CFAP47: variants seen among roughly 807,000 people sequenced by gnomAD.
CFAP47 encodes the protein cilia and flagella associated protein 47.
A neutral mutation model predicts 148.1 loss-of-function variants in CFAP47; 29 were observed. The observed-to-expected ratio is 0.20, with a 90% CI of 0.15 to 0.27. The LOEUF (loss-of-function observed/expected upper bound fraction) is 0.27. Among genes scored for constraint, CFAP47 ranks in the 10% least tolerant of loss-of-function variants. The pLI is 1.00. For synonymous variants in CFAP47, 664 were observed against 577.3 expected, an observed-to-expected ratio of 1.15 and a Z score of -2.15; for missense variants, 1,872 against 1,697.5, an observed-to-expected ratio of 1.10 and a Z score of -1.81.
intron 2 of CFAP47, among the ~76,000 whole-genome samples, chrX:35,940,138 G>T (rs745657906): frequency 9.0e-6 from 1 of 110,621 alleles, no homozygotes; most frequent in East Asian, 2.9e-4. Flanking sequence ...TTTTTGATGG[G>T]GTTGTTTGTT....
At chrX:36,025,956 G>A (rs1379886599) in intron 22 of CFAP47, among the ~76,000 whole-genome samples, 3 of 111,458 alleles carry the variant, frequency 2.7e-5, no homozygotes, top group Non-Finnish European at 5.7e-5. Context: ...TGTTCATGAC[G>A]TCTAACATTG....
At chrX:36,031,665 T>C (rs1937280659) in intron 23 of CFAP47, among the ~76,000 whole-genome samples, 1 of 109,752 alleles carries the variant, frequency 9.1e-6, no homozygotes, top group Non-Finnish European at 1.9e-5. Context: ...AAATGGAAGC[T>C]ATGATTTAAA....
chrX:36,074,553 C>T (rs1181211501), intron 29 of CFAP47, among the ~76,000 whole-genome samples: 3 of 111,459 alleles, frequency 2.7e-5, no homozygotes, highest in East Asian at 5.6e-4. Flanking sequence ...AACTTTTCTT[C>T]ATAAACATAT....
chrX:36,169,824 A>G (rs1000467882), intron 39 of CFAP47, among the ~76,000 whole-genome samples: 13 of 111,351 alleles, frequency 1.2e-4, no homozygotes, highest in African/African-American at 4.3e-4. Context: ...TCTCACACAT[A>G]ATTGCTGTGG....
At chrX:36,024,038 C>G (rs1937189325) in intron 22 of CFAP47, among the ~76,000 whole-genome samples, 1 of 112,095 alleles carries the variant, frequency 8.9e-6, no homozygotes, top group South Asian at 3.7e-4. Flanking sequence ...CACCACAGCT[C>G]TTAATGTGCT....
chrX:36,248,918 A>C (rs1168823520), intron 48 of CFAP47, among the ~76,000 whole-genome samples: 1 of 110,731 alleles, frequency 9.0e-6, no homozygotes, highest in African/African-American at 3.3e-5. Context: ...ATTTAAAACA[A>C]CATACTCCTA....
chrX:36,140,918 C>T (rs1002972028), intron 35 of CFAP47, among the ~76,000 whole-genome samples: 2 of 110,848 alleles, frequency 1.8e-5, no homozygotes, highest in East Asian at 2.8e-4. Flanking sequence ...TTGACCACAG[C>T]GTAGAATGCA....
intron 1 of CFAP47, among the ~76,000 whole-genome samples, chrX:35,925,017 G>A (rs2146613517): frequency 9.0e-6 from 1 of 111,577 alleles, no homozygotes; most frequent in African/African-American, 3.3e-5. Context: ...CAAAGTTTCA[G>A]TTAAACAGGA....
intron 61 of CFAP47, among the ~76,000 whole-genome samples, chrX:36,364,543 T>C (rs1286757468): frequency 1.5e-4 from 16 of 109,764 alleles, no homozygotes; most frequent in Non-Finnish European, 2.9e-4. Flanking sequence ...TTCCATGAAA[T>C]GATGTCTAAG....
chrX:36,077,797 T>C (rs1170732922), intron 29 of CFAP47, among the ~76,000 whole-genome samples: 1 of 109,665 alleles, frequency 9.1e-6, no homozygotes, highest in African/African-American at 3.3e-5. Flanking sequence ...GAGGCTGAGG[T>C]GGGTGGATTG....
intron 29 of CFAP47, among the ~76,000 whole-genome samples, chrX:36,077,720 C>T (rs908489881): frequency 9.0e-6 from 1 of 111,344 alleles, no homozygotes; most frequent in African/African-American, 3.3e-5. Flanking sequence ...AAACACCTAC[C>T]TCAAAAATTA....
At chrX:36,127,479 C>A (rs890077908) in intron 33 of CFAP47, among the ~76,000 whole-genome samples, 3 of 111,582 alleles carry the variant, frequency 2.7e-5, no homozygotes, top group African/African-American at 9.8e-5. Context: ...CAGTACCATG[C>A]TGTTTTGGTT....
rs749792946 is a variant in CFAP47 at position 35,988,484 on chromosome X, A to T, written c.2714-835A>T. Among the ~76,000 whole-genome samples the T allele has an allele frequency of 4.7e-4, 53 of 111,792 alleles. No homozygotes were observed. The South Asian group carries it at 4.9e-3, about 10-fold the overall frequency. ...CCCATACATATGTTGTTATCTCCCT[A>T]TATGGCCACTGCAAAACTAAGAGGG... On this transcript the variant is annotated intron_variant, in intron 15 of 63. Transcript: ENST00000378653.
intron 33 of CFAP47, among the ~76,000 whole-genome samples, chrX:36,106,397 T>C (rs1938466807): frequency 1.8e-5 from 2 of 111,957 alleles, no homozygotes; most frequent in South Asian, 7.3e-4. Flanking sequence ...TTTGTCCTGG[T>C]ATAACAGAAT....
chrX:36,144,676 C>T, intron 35 of CFAP47: 2 of 1,027,544 alleles, frequency 1.9e-6, no homozygotes, highest in Non-Finnish European at 2.6e-6. Flanking sequence ...GTGGCCAGAA[C>T]AAAGAGACAG....
chrX:35,931,193 G>T (rs1205328557), intron 2 of CFAP47, among the ~76,000 whole-genome samples: 1 of 110,871 alleles, frequency 9.0e-6, no homozygotes, highest in Non-Finnish European at 1.9e-5. Context: ...TTAGAAGTGT[G>T]TTAATTTCCA....
chrX:36,161,637 G>C (rs192675384), intron 39 of CFAP47, among the ~76,000 whole-genome samples: 177 of 111,870 alleles, frequency 1.6e-3, no homozygotes, highest in Non-Finnish European at 3.0e-3. Context: ...GATACCTTCT[G>C]TGCTGATTAA....
intron 26 of CFAP47, among the ~76,000 whole-genome samples, chrX:36,052,035 G>A (rs1215986366): frequency 3.6e-5 from 4 of 111,544 alleles, no homozygotes; most frequent in Non-Finnish European, 7.5e-5. Flanking sequence ...TGATTGTGAG[G>A]CCTCCCCAGC....
At chrX:35,930,629 T>G (rs1310591621) in intron 2 of CFAP47, among the ~76,000 whole-genome samples, 1 of 111,683 alleles carries the variant, frequency 9.0e-6, no homozygotes, top group Admixed American at 9.6e-5. Context: ...TTGATGCTTA[T>G]AGGGCTATTC....
Sources: gnomAD v4.1 joint callset for allele counts (sites outside exome capture counted in the v4.1 genomes callset) on GRCh38, gnomAD v4.1.1 for gene constraint, MANE v1.5 for transcripts, NCBI Gene and HGNC (gene_info 2026-07-23, HGNC 2026-07-21) for gene names.